Variants in CTNNA3 observed in about 807,000 individuals in gnomAD.
The protein encoded by CTNNA3 is catenin alpha-3.
In CTNNA3, 76 loss-of-function variants were observed where a neutral mutation model predicts 95.7. The ratio of observed to expected loss-of-function variants is 0.79; its 90% confidence interval spans 0.66 to 0.96. The LOEUF is 0.96. CTNNA3 is among the 40% of genes least tolerant of loss of function. CTNNA3 has a pLI of 0.00. For synonymous variants in CTNNA3, 431 were observed against 374.4 expected, an observed-to-expected ratio of 1.15 and a Z score of -1.74; for missense variants, 1,191 against 1,089.8, an observed-to-expected ratio of 1.09 and a Z score of -1.31.
chr10:67,046,992 T>G (rs922012065), intron 7 of CTNNA3, among the ~76,000 whole-genome samples: 1 of 152,130 alleles, frequency 6.6e-6, no homozygotes, highest in Non-Finnish European at 1.5e-5. Context: ...AGAAAAGAAA[T>G]AGTCTAATGT....
At chr10:66,304,338 G>A (rs551849114) in intron 12 of CTNNA3, among the ~76,000 whole-genome samples, 1 of 152,256 alleles carries the variant, frequency 6.6e-6, no homozygotes, top group African/African-American at 2.4e-5. Context: ...AATTTGGTAT[G>A]ACCTCGTAAA....
chr10:67,620,158 G>C (rs1173090484), intron 2 of CTNNA3, among the ~76,000 whole-genome samples: 1 of 152,110 alleles, frequency 6.6e-6, no homozygotes, highest in African/African-American at 2.4e-5. Context: ...GCACCATCAA[G>C]GGCCAAAGTG....
chr10:66,197,930 T>C (rs2087068860), intron 13 of CTNNA3, among the ~76,000 whole-genome samples: 2 of 152,134 alleles, frequency 1.3e-5, no homozygotes, highest in Admixed American at 6.5e-5. Flanking sequence ...GAGAGAAATA[T>C]ACAGGAAAAT....
intron 17 of CTNNA3, among the ~76,000 whole-genome samples, chr10:65,932,510 A>G (rs1589143028): frequency 6.6e-6 from 1 of 152,186 alleles, no homozygotes; most frequent in South Asian, 2.1e-4. Flanking sequence ...TCTAAGAACT[A>G]TGACTCAGAT....
intron 11 of CTNNA3, among the ~76,000 whole-genome samples, chr10:66,512,899 A>G (rs1840711733): frequency 6.6e-6 from 1 of 152,130 alleles, no homozygotes. Flanking sequence ...ATACCCTCAT[A>G]TGTGACTTGA....
At position 67,198,165 on chromosome 10, in the gene CTNNA3, G is replaced by A. The variant is rs186746973; in HGVS notation, c.844-17645C>T. ...AGTGGCTACTATATTGAACAGCACA[G>A]CTCTTAAAGTTGATTTTCACTGTAT... On this transcript the variant is annotated intron_variant, in intron 6 of 17. Transcript: ENST00000433211. 9.6e-4 allele frequency among the ~76,000 whole-genome samples: 146 copies of A among 152,188 alleles called. 1 individual carries two copies. Among genetic ancestry groups the A allele is most frequent in the Non-Finnish European group, 1.8e-3 (121 of 67,996 alleles).
intron 13 of CTNNA3, among the ~76,000 whole-genome samples, chr10:66,253,896 T>C (rs1009464445): frequency 3.3e-5 from 5 of 152,168 alleles, no homozygotes; most frequent in Non-Finnish European, 7.3e-5. Context: ...CTATCTCTGA[T>C]GGTTGCAAGA....
At chr10:66,671,923 T>C (rs959720717) in intron 9 of CTNNA3, among the ~76,000 whole-genome samples, 13 of 152,214 alleles carry the variant, frequency 8.5e-5, no homozygotes, top group African/African-American at 3.1e-4. Context: ...AAATGTTTCA[T>C]AGTTGGTATG....
intron 15 of CTNNA3, among the ~76,000 whole-genome samples, chr10:66,035,249 A>G (rs946433584): frequency 3.9e-5 from 6 of 152,164 alleles, no homozygotes; most frequent in African/African-American, 1.4e-4. Context: ...GAAGCCGAAA[A>G]GGGTACAGGT....
In CTNNA3 at chr10:66,576,864, G is replaced by C. The variant is rs558316028; in HGVS notation, c.1374+44828C>G. Among the ~76,000 whole-genome samples, 18 of 151,462 alleles carry C rather than the reference G, an allele frequency of 1.2e-4. 1 individual carries two copies. The highest frequency in any genetic ancestry group is 3.6e-4 in the African/African-American group (15 of 41,362). On this transcript the variant is annotated intron_variant, in intron 10 of 17. Transcript: ENST00000433211. Reference sequence around the variant, plus strand: ...TGTATACCCAATAGTGGAATTGTTGGGCCAAATGATAGTTCTGTTTCAAGT... The same window carrying C: ...TGTATACCCAATAGTGGAATTGTTGCGCCAAATGATAGTTCTGTTTCAAGT...
At chr10:66,471,648 T>G (rs532560209) in intron 11 of CTNNA3, among the ~76,000 whole-genome samples, 2 of 152,038 alleles carry the variant, frequency 1.3e-5, no homozygotes, top group East Asian at 1.9e-4. Flanking sequence ...TTATTATAAT[T>G]TAATTAACAA....
rs866591038 is a variant in CTNNA3 at position 67,025,144 on chromosome 10, A to G, written c.1047+155173T>C. ...AAAACTCTGTCAAAAACAAAAAAAA[A>G]AAAGAAAGAAAGGAAGGAAGGAAGG... is the stretch of plus-strand genomic sequence containing the variant. On this transcript the variant is annotated intron_variant, in intron 7 of 17. Transcript: ENST00000433211. Among the ~76,000 whole-genome samples, 319 of 147,362 alleles carry G rather than the reference A, an allele frequency of 2.2e-3. 1 individual carries two copies. The highest frequency in any genetic ancestry group is 6.5e-3 in the African/African-American group (244 of 37,446).
intron 11 of CTNNA3, among the ~76,000 whole-genome samples, chr10:66,479,294 TTAAATAC>T (rs71466881): frequency 0.15 from 22,629 of 151,676 alleles, 3,483 homozygotes; most frequent in East Asian, 0.77. Context: ...CCACACTTCC[TTAAATAC>T]TAAATCTCAT....
In CTNNA3 at chr10:66,049,236, G is replaced by A. The variant is rs151298453; in HGVS notation, c.2159+20072C>T. Among the ~76,000 whole-genome samples the A allele has an allele frequency of 4.7e-3, 718 of 152,236 alleles. 4 individuals are homozygous for A. The highest frequency in any genetic ancestry group is 0.016 in the African/African-American group (673 of 41,526). On this transcript the variant is annotated intron_variant, in intron 15 of 17. Transcript: ENST00000433211. ...GAAATGCAAATTGAAACCACAATGA[G>A]ATACAATCTCATACCAGTTAGAATA...
At chr10:66,665,166 A>G (rs1427684635) in intron 9 of CTNNA3, among the ~76,000 whole-genome samples, 1 of 152,086 alleles carries the variant, frequency 6.6e-6, no homozygotes, top group Non-Finnish European at 1.5e-5. Flanking sequence ...AGCTTCCCCA[A>G]TTTCTACTAT....
chr10:66,672,971 A>G (rs189397375), intron 9 of CTNNA3, among the ~76,000 whole-genome samples: 13 of 152,170 alleles, frequency 8.5e-5, no homozygotes, highest in Non-Finnish European at 1.5e-4. Flanking sequence ...AAATATTTGA[A>G]TAATTTTCTC....
chr10:67,090,688 T>C (rs938953349), intron 7 of CTNNA3, among the ~76,000 whole-genome samples: 12 of 152,070 alleles, frequency 7.9e-5, no homozygotes, highest in African/African-American at 2.9e-4. Flanking sequence ...ACATAGTAAA[T>C]GCTTAATGAA....
chr10:66,589,212 C>T (rs1564552200), intron 10 of CTNNA3, among the ~76,000 whole-genome samples: 1 of 151,344 alleles, frequency 6.6e-6, no homozygotes, highest in Non-Finnish European at 1.5e-5. Context: ...GGTCATTGGT[C>T]ACATCACATC....
chr10:67,006,542 C>T (rs1852002468), intron 7 of CTNNA3, among the ~76,000 whole-genome samples: 1 of 106,536 alleles, frequency 9.4e-6, no homozygotes, highest in African/African-American at 3.1e-5. Flanking sequence ...GTTTTCTATT[C>T]TCTTATAACT....
Sources: allele counts gnomAD v4.1 joint callset (sites outside exome capture counted in the v4.1 genomes callset), GRCh38; gene constraint gnomAD v4.1.1; transcripts MANE v1.5; gene names NCBI Gene and HGNC (gene_info 2026-07-23, HGNC 2026-07-21).